CATSPERT: variants seen among roughly 807,000 people sequenced by gnomAD.
CATSPERT encodes the protein catsper channel auxiliary subunit tau, also known as cation channel sperm-associated targeting subunit tau.
the CATSPERT span, chr2:201,491,824 C>T: frequency 6.5e-7 from 1 of 1,537,004 alleles, no homozygotes; most frequent in Admixed American, 2.0e-5. Context: ...TGATTTACCA[C>T]CCCAACTATA....
At chr2:201,584,762 G>A in the CATSPERT span, among the ~76,000 whole-genome samples, 1 of 151,994 alleles carries the variant, frequency 6.6e-6, no homozygotes, top group Non-Finnish European at 1.5e-5. Context: ...CAGCCTGGGT[G>A]ACAGAGCAAG....
At chr2:201,525,435 G>C in the CATSPERT span, among the ~76,000 whole-genome samples, 1 of 152,068 alleles carries the variant, frequency 6.6e-6, no homozygotes, top group Non-Finnish European at 1.5e-5. Flanking sequence ...AACATACCAA[G>C]ATCTCTGAGA....
the CATSPERT span, among the ~76,000 whole-genome samples, chr2:201,532,519 A>G: frequency 6.6e-6 from 1 of 152,328 alleles, no homozygotes; most frequent in African/African-American, 2.4e-5. Context: ...GAGCCCCAAG[A>G]TGTGGAAGTT....
the CATSPERT span, among the ~76,000 whole-genome samples, chr2:201,597,280 A>T: frequency 6.6e-6 from 1 of 152,286 alleles, no homozygotes; most frequent in East Asian, 1.9e-4. Flanking sequence ...GGACTTCTGA[A>T]CTTTCTAGTC....
At chr2:201,494,287 T>A in the CATSPERT span, 1 of 1,537,044 alleles carries the variant, frequency 6.5e-7, no homozygotes, top group Non-Finnish European at 8.7e-7. Flanking sequence ...GTCTGAAAGG[T>A]CTTGCAGATT....
chr2:201,494,006 C>G, the CATSPERT span: 1 of 1,536,240 alleles, frequency 6.5e-7, no homozygotes, highest in South Asian at 1.2e-5. Context: ...ATTACTTGAC[C>G]ACCTTCTAAA....
chr2:201,568,632 A>C, the CATSPERT span, among the ~76,000 whole-genome samples: 3 of 152,166 alleles, frequency 2.0e-5, no homozygotes, highest in Non-Finnish European at 4.4e-5. Flanking sequence ...TCTTCTTCAC[A>C]GGCCAAATAT....
the CATSPERT span, among the ~76,000 whole-genome samples, chr2:201,524,874 A>G: frequency 2.0e-5 from 3 of 152,198 alleles, no homozygotes; most frequent in Non-Finnish European, 2.9e-5. Flanking sequence ...ACAAAGTAAG[A>G]CATTACGTAA....
chr2:201,491,523 A>G, the CATSPERT span: 1 of 1,535,886 alleles, frequency 6.5e-7, no homozygotes, highest in Non-Finnish European at 8.7e-7. Context: ...GCTTTTTATT[A>G]TTGTTATTAT....
At chr2:201,509,862 C>T in the CATSPERT span, among the ~76,000 whole-genome samples, 1 of 150,872 alleles carries the variant, frequency 6.6e-6, no homozygotes, top group Non-Finnish European at 1.5e-5. Flanking sequence ...CACAACTGTT[C>T]TCTCCTTCCA....
At chr2:201,535,310 A>G in the CATSPERT span, 1 of 984,704 alleles carries the variant, frequency 1.0e-6, no homozygotes, top group Non-Finnish European at 1.2e-6. Context: ...TTATCTTCTG[A>G]CCTATATATC....
At chr2:201,492,535 C>A in the CATSPERT span, 102 of 1,535,902 alleles carry the variant, frequency 6.6e-5, no homozygotes, top group African/African-American at 1.1e-3. Flanking sequence ...TATTGAGACA[C>A]TTTTAGTCCT....
the CATSPERT span, among the ~76,000 whole-genome samples, chr2:201,531,471 G>A: frequency 6.6e-6 from 1 of 152,062 alleles, no homozygotes; most frequent in Non-Finnish European, 1.5e-5. Context: ...TCAAATGGGA[G>A]TAACAGACAA....
the CATSPERT span, among the ~76,000 whole-genome samples, chr2:201,522,785 C>T: frequency 5.3e-5 from 8 of 152,312 alleles, no homozygotes; most frequent in East Asian, 1.9e-4. Context: ...TTCTGCAAGG[C>T]CTGCCATATT....
At chr2:201,611,860 T>A in the CATSPERT span, among the ~76,000 whole-genome samples, 2 of 152,224 alleles carry the variant, frequency 1.3e-5, no homozygotes, top group East Asian at 3.8e-4. Context: ...CGTTTAGGTC[T>A]CCATGCTCTA....
chr2:201,502,895 G>GTTTTTTTTTTTT, the CATSPERT span, among the ~76,000 whole-genome samples: 1 of 148,942 alleles, frequency 6.7e-6, no homozygotes, highest in African/African-American at 2.5e-5. Flanking sequence ...GTGATACTGT[G>GTTTTTTTTTTTT]TTGTTTTTTT....
chr2:201,581,530 T>G, the CATSPERT span, among the ~76,000 whole-genome samples: 32 of 70,012 alleles, frequency 4.6e-4, no homozygotes, highest in Non-Finnish European at 6.4e-4. Flanking sequence ...ATATAAAATA[T>G]TCTGGAAAAA....
At chr2:201,536,406 A>G in the CATSPERT span, 29 of 1,437,928 alleles carry the variant, frequency 2.0e-5, no homozygotes, top group Non-Finnish European at 2.6e-5. Flanking sequence ...CTCAAAATCA[A>G]TTGTACCCTT....
At chr2:201,491,237 T>G in the CATSPERT span, 13 of 1,537,782 alleles carry the variant, frequency 8.5e-6, no homozygotes, top group Non-Finnish European at 1.0e-5. Flanking sequence ...TGAATTCTTG[T>G]GGTGGGCAGT....
Sources: allele counts gnomAD v4.1 joint callset (sites outside exome capture counted in the v4.1 genomes callset), GRCh38; gene constraint gnomAD v4.1.1; transcripts MANE v1.5; gene names NCBI Gene and HGNC (gene_info 2026-07-23, HGNC 2026-07-21).